ATG7: variants seen among roughly 807,000 people sequenced by gnomAD.
The protein encoded by ATG7 is ubiquitin-like modifier-activating enzyme ATG7.
Under a neutral mutation model 82.4 loss-of-function variants are expected in ATG7, and 70 were observed. That is an observed-to-expected ratio of 0.85 (90% CI 0.70 to 1.04). The LOEUF (loss-of-function observed/expected upper bound fraction) is 1.04, where lower values mean the gene tolerates loss of function less well. ATG7 is among the 50% of genes least tolerant of loss of function. The pLI, the probability that ATG7 is intolerant of heterozygous loss-of-function variation, is 0.00. For missense variants in ATG7, 792 were observed against 864.3 expected (o/e 0.92, Z 1.05); for synonymous variants, 287 against 313.0 (o/e 0.92, Z 0.88).
chr3:11,319,568 T>A (rs866883545), intron 9 of ATG7, among the ~76,000 whole-genome samples: 82 of 152,348 alleles, frequency 5.4e-4, no homozygotes, highest in Non-Finnish European at 3.7e-4. Flanking sequence ...AGTAATTCAA[T>A]TTTCTCTCAC....
chr3:11,317,911 C>T (rs1253413580), intron 9 of ATG7, among the ~76,000 whole-genome samples: 3 of 152,194 alleles, frequency 2.0e-5, no homozygotes, highest in Admixed American at 6.5e-5. Context: ...GGCCTTTCTA[C>T]CATTCCCTTG....
At chr3:11,473,284 C>T (rs886677492) in intron 20 of ATG7, among the ~76,000 whole-genome samples, 2 of 152,198 alleles carry the variant, frequency 1.3e-5, no homozygotes, top group Admixed American at 6.5e-5. Flanking sequence ...TATTTTCTGA[C>T]TGCTATCACC....
intron 20 of ATG7, among the ~76,000 whole-genome samples, chr3:11,478,571 G>A (rs922074093): frequency 1.3e-5 from 2 of 152,092 alleles, no homozygotes; most frequent in African/African-American, 4.8e-5. Flanking sequence ...AACAGCTTTG[G>A]ATAATAAAAT....
chr3:11,517,268 G>C (rs2124879600), intron 20 of ATG7, among the ~76,000 whole-genome samples: 1 of 151,934 alleles, frequency 6.6e-6, no homozygotes, highest in Non-Finnish European at 1.5e-5. Context: ...TTGAACCCAG[G>C]AGATGGAGGT....
chr3:11,398,052 C>G (rs1402202413), intron 19 of ATG7, among the ~76,000 whole-genome samples: 1 of 150,018 alleles, frequency 6.7e-6, no homozygotes, highest in Non-Finnish European at 1.5e-5. Context: ...CCACTGCACT[C>G]CAGCCTGGGG....
intron 20 of ATG7, among the ~76,000 whole-genome samples, chr3:11,538,969 G>C (rs923054687): frequency 2.0e-4 from 30 of 152,174 alleles, no homozygotes; most frequent in African/African-American, 7.0e-4. Context: ...TCCTGGAAGA[G>C]AGCATGGAGA....
At chr3:11,280,132 C>T (rs1354794248) in intron 1 of ATG7, among the ~76,000 whole-genome samples, 2 of 151,826 alleles carry the variant, frequency 1.3e-5, no homozygotes, top group African/African-American at 4.8e-5. Flanking sequence ...CTGCAACCTG[C>T]GCCTCCCGGG....
chr3:11,273,787 G>A (rs1223835620), intron 1 of ATG7, among the ~76,000 whole-genome samples: 1 of 152,156 alleles, frequency 6.6e-6, no homozygotes, highest in Non-Finnish European at 1.5e-5. Flanking sequence ...TGGTGGCGGT[G>A]GCGGCATTGT....
chr3:11,554,785 C>T, intron 20 of ATG7, 26 bp from the exon 21 acceptor site: 1 of 1,612,592 alleles, frequency 6.2e-7, no homozygotes, highest in East Asian at 2.2e-5. Context: ...GACATCTCGG[C>T]TGAGCCTCTC....
intron 5 of ATG7, 25 bp downstream of exon 5, chr3:11,299,441 T>C: frequency 1.3e-6 from 2 of 1,589,008 alleles, no homozygotes; most frequent in Non-Finnish European, 1.7e-6. Flanking sequence ...GTTCAAAATC[T>C]GAAGTAAAGA....
At chr3:11,299,223 T>C (rs551648075) in intron 4 of ATG7, 139 bp from the exon 5 acceptor site, 4 of 752,626 alleles carry the variant, frequency 5.3e-6, no homozygotes, top group Admixed American at 4.5e-5. Context: ...ACATATATTA[T>C]CTATGTAGCA....
At chr3:11,508,091 G>A (rs907568964) in intron 20 of ATG7, among the ~76,000 whole-genome samples, 1 of 152,092 alleles carries the variant, frequency 6.6e-6, no homozygotes, top group Non-Finnish European at 1.5e-5. Flanking sequence ...TAAAACAAAA[G>A]TGTTTTTTCA....
intron 14 of ATG7, among the ~76,000 whole-genome samples, chr3:11,355,670 A>G (rs1187462782): frequency 3.3e-5 from 5 of 152,236 alleles, no homozygotes; most frequent in Non-Finnish European, 5.9e-5. Flanking sequence ...ATATATCACT[A>G]TACACCTACT....
chr3:11,299,456 T>C, intron 5 of ATG7, 40 bp downstream of exon 5: 3 of 1,565,482 alleles, frequency 1.9e-6, no homozygotes, highest in Non-Finnish European at 2.6e-6. Flanking sequence ...TAAAGAATAC[T>C]ACTTTTGGCA....
rs924279226 is a variant in ATG7 at position 11,370,003 on chromosome 3, C to T, written c.1875+5269C>T. On this transcript the variant is annotated intron_variant, in intron 18 of 20. Coordinates refer to ENST00000693202, the MANE Select transcript of ATG7 (RefSeq NM_001349232.2). ...TCCCTGTTTGACCTTGGGCACGTTA[C>T]GTATCTTCTCTGAACCTCATGTTTT... 1.7e-4 allele frequency among the ~76,000 whole-genome samples: 25 copies of T among 151,022 alleles called. 2 individuals carry two copies. The highest frequency in any genetic ancestry group is 4.9e-4 in the African/African-American group (20 of 40,902).
chr3:11,531,421 C>T (rs1003601847), intron 20 of ATG7, among the ~76,000 whole-genome samples: 2 of 152,184 alleles, frequency 1.3e-5, no homozygotes, highest in Admixed American at 1.3e-4. Context: ...AGGCAAAGCA[C>T]CTTCCTGAGG....
At position 11,331,436 on chromosome 3, in the gene ATG7, C is replaced by T; in HGVS notation, c.767+8C>T. 3 of 1,576,020 alleles carry T rather than the reference C, an allele frequency of 1.9e-6. No individual in the cohort carries two copies. Among genetic ancestry groups the T allele is most frequent in the East Asian group, 2.2e-5 (1 of 44,694 alleles). ...CCTAGCAGCCCACAGATGGTATTTA[C>T]AAGAGTGTGTGTTTGTCTGTCTGTC... On this transcript the variant is annotated splice_region_variant and intron_variant, in intron 10 of 20. Transcript: ENST00000693202.
At position 11,413,248 on chromosome 3, in the gene ATG7, C is replaced by A. The variant is rs79337214; in HGVS notation, c.1957-13556C>A. ...TAGGCATCCTTGCCTTTTTCCTGAT[C>A]TTAGAGAGAAAGCGTTCCTTCTTTC... On this transcript the variant is annotated intron_variant, in intron 19 of 20. Coordinates refer to ENST00000693202, the MANE Select transcript of ATG7 (RefSeq NM_001349232.2). Among the ~76,000 whole-genome samples, 388 of 152,222 alleles carry A rather than the reference C, an allele frequency of 2.5e-3. 3 individuals are homozygous for A. Among genetic ancestry groups the A allele is most frequent in the African/African-American group, 8.6e-3 (359 of 41,540 alleles).
intron 19 of ATG7, among the ~76,000 whole-genome samples, chr3:11,412,881 T>C (rs1466192286): frequency 2.0e-5 from 3 of 152,148 alleles, no homozygotes; most frequent in Non-Finnish European, 2.9e-5. Context: ...AATTTCAGCA[T>C]TGTTTTATAA....
Sources: gnomAD v4.1 joint callset for allele counts (sites outside exome capture counted in the v4.1 genomes callset) on GRCh38, gnomAD v4.1.1 for gene constraint, MANE v1.5 for transcripts, NCBI Gene and HGNC (gene_info 2026-07-23, HGNC 2026-07-21) for gene names.